WDR49: variants seen among roughly 807,000 people sequenced by gnomAD.
The protein encoded by WDR49 is WD repeat domain 49, also known as cilia- and flagella-associated protein 337.
Under a neutral mutation model 119.5 loss-of-function variants are expected in WDR49, and 107 were observed. The ratio of observed to expected loss-of-function variants is 0.90; its 90% CI spans 0.77 to 1.05. WDR49 has a LOEUF of 1.05. Among genes scored for constraint, WDR49 ranks in the 50% least tolerant of loss-of-function variants. WDR49 has a pLI of 0.00. For missense variants in WDR49, 1,240 were observed against 1,220.5 expected (o/e 1.02, Z -0.24); for synonymous variants, 425 against 418.8 (o/e 1.01, Z -0.18).
intron 8 of WDR49, among the ~76,000 whole-genome samples, chr3:167,575,505 G>A (rs1167771419): frequency 6.6e-6 from 1 of 152,188 alleles, no homozygotes; most frequent in Non-Finnish European, 1.5e-5. Flanking sequence ...AAAATATGCT[G>A]GCAAAATGGA....
chr3:167,570,854 G>A (rs1010403675), intron 8 of WDR49, among the ~76,000 whole-genome samples: 16 of 152,056 alleles, frequency 1.1e-4, no homozygotes, highest in Non-Finnish European at 7.4e-5. Context: ...TGACCAACAT[G>A]GTGAAACCAT....
At chr3:167,609,684 G>T (rs1716249503) in intron 5 of WDR49, among the ~76,000 whole-genome samples, 1 of 152,138 alleles carries the variant, frequency 6.6e-6, no homozygotes, top group South Asian at 2.1e-4. Flanking sequence ...GACTGAGGGG[G>T]CACACGACAT....
chr3:167,509,723 A>T (rs1422510187), intron 16 of WDR49, among the ~76,000 whole-genome samples: 1 of 152,216 alleles, frequency 6.6e-6, no homozygotes, highest in Non-Finnish European at 1.5e-5. Context: ...ATTCAATAAG[A>T]TATTCTAATA....
At chr3:167,539,265 A>G (rs1354105291) in intron 10 of WDR49, among the ~76,000 whole-genome samples, 1 of 152,168 alleles carries the variant, frequency 6.6e-6, no homozygotes, top group African/African-American at 2.4e-5. Context: ...GTTAGGAGCT[A>G]AGTTTCTGAA....
chr3:167,613,516 A>C (rs1364288858), intron 5 of WDR49, among the ~76,000 whole-genome samples: 1 of 152,220 alleles, frequency 6.6e-6, no homozygotes, highest in Non-Finnish European at 1.5e-5. Flanking sequence ...AGACTGATTT[A>C]GATGCAGGGA....
At position 167,625,215 on chromosome 3, in the gene WDR49, C is replaced by T. The variant is rs188440636; in HGVS notation, c.606+1637G>A. On this transcript the variant is annotated intron_variant, in intron 3 of 18. Transcript: ENST00000682715. ...GGAAATATACAAGATGATTCTGGAA[C>T]ATTTTGTCATACCACGAAACAAAGA... 2.1e-3 allele frequency among the ~76,000 whole-genome samples: 317 copies of T among 152,080 alleles called. 3 individuals are homozygous for T. Among genetic ancestry groups the T allele is most frequent in the South Asian group, 0.013 (61 of 4,826 alleles).
intron 2 of WDR49, among the ~76,000 whole-genome samples, chr3:167,650,609 A>G (rs1459302068): frequency 2.0e-5 from 3 of 152,208 alleles, no homozygotes; most frequent in East Asian, 3.8e-4. Context: ...ATGTCTTTGC[A>G]GCTCTAACCA....
At chr3:167,547,336 T>G (rs1193853744) in intron 10 of WDR49, among the ~76,000 whole-genome samples, 4 of 151,864 alleles carry the variant, frequency 2.6e-5, no homozygotes, top group African/African-American at 2.4e-5. Context: ...CAGTGCTCTA[T>G]GAAGGATGCT....
At chr3:167,563,353 C>CAAAAAAAAA (rs61247447) in intron 8 of WDR49, among the ~76,000 whole-genome samples, 1 of 55,842 alleles carries the variant, frequency 1.8e-5, no homozygotes, top group Non-Finnish European at 3.5e-5. Context: ...GATTCTGAAT[C>CAAAAAAAAA]AAAAAAAAAA....
chr3:167,647,567 G>T lies in WDR49; in HGVS notation c.165+5694C>A, dbSNP rs1453013814. ...CAGAATTCCTCTGCCATTTCTAATT[G>T]TGCCAACTGCAGTAGTATTGGATTT... On this transcript the variant is annotated intron_variant, in intron 2 of 18. Transcript: ENST00000682715. 3.3e-5 allele frequency among the ~76,000 whole-genome samples: 5 copies of T among 152,078 alleles called. No homozygotes were observed. The East Asian group carries it at 9.6e-4, about 29-fold the overall frequency.
intron 8 of WDR49, among the ~76,000 whole-genome samples, chr3:167,572,107 A>G (rs1368440959): frequency 6.6e-6 from 1 of 152,202 alleles, no homozygotes; most frequent in Non-Finnish European, 1.5e-5. Flanking sequence ...AAGTGCAAAG[A>G]TGGTTCATTA....
chr3:167,495,161 A>C (rs1751305054), intron 18 of WDR49, among the ~76,000 whole-genome samples: 1 of 152,182 alleles, frequency 6.6e-6, no homozygotes, highest in African/African-American at 2.4e-5. Flanking sequence ...GAGGAAAAAT[A>C]TATATATTAG....
At chr3:167,623,134 C>T (rs1400218413) in intron 3 of WDR49, among the ~76,000 whole-genome samples, 1 of 152,034 alleles carries the variant, frequency 6.6e-6, no homozygotes. Context: ...CAATACTTCT[C>T]AAACTCTTCC....
At chr3:167,527,738 G>A in intron 15 of WDR49, 82 bp downstream of exon 15, 5 of 1,354,298 alleles carry the variant, frequency 3.7e-6, no homozygotes, top group Non-Finnish European at 5.0e-6. Context: ...TTAAACAGCT[G>A]ATGAGATTCA....
chr3:167,512,473 T>C (rs1049497134), intron 16 of WDR49, among the ~76,000 whole-genome samples: 3 of 152,060 alleles, frequency 2.0e-5, no homozygotes, highest in African/African-American at 4.8e-5. Context: ...GCCTCAAAGA[T>C]TGAAGGTAGA....
chr3:167,579,512 A>G (rs2108286921), intron 7 of WDR49, among the ~76,000 whole-genome samples: 1 of 152,240 alleles, frequency 6.6e-6, no homozygotes, highest in Middle Eastern at 3.4e-3. Flanking sequence ...CAGCCCTTAT[A>G]ACAAGCTTGA....
intron 10 of WDR49, among the ~76,000 whole-genome samples, chr3:167,554,300 A>T (rs551092547): frequency 2.0e-5 from 3 of 152,166 alleles, no homozygotes; most frequent in Admixed American, 6.5e-5. Flanking sequence ...AGTCATGAGA[A>T]AAGAAGTAAT....
intron 7 of WDR49, among the ~76,000 whole-genome samples, chr3:167,595,525 A>G (rs1376372320): frequency 6.6e-6 from 1 of 152,254 alleles, no homozygotes; most frequent in Non-Finnish European, 1.5e-5. Context: ...ACAGAGATAT[A>G]GATCAATGGA....
intron 5 of WDR49, among the ~76,000 whole-genome samples, chr3:167,613,980 C>T (rs1277778772): frequency 6.6e-6 from 1 of 150,610 alleles, no homozygotes; most frequent in Non-Finnish European, 1.5e-5. Flanking sequence ...GTTAACAATT[C>T]AAACTGTTTT....
Sources: gnomAD v4.1 joint callset for allele counts (sites outside exome capture counted in the v4.1 genomes callset) on GRCh38, gnomAD v4.1.1 for gene constraint, MANE v1.5 for transcripts, NCBI Gene and HGNC (gene_info 2026-07-23, HGNC 2026-07-21) for gene names.